COX7A2L: variants seen among roughly 807,000 people sequenced by gnomAD.
The protein encoded by COX7A2L is cytochrome c oxidase subunit 7A2-like, mitochondrial.
In COX7A2L, 18 loss-of-function variants were observed where a neutral mutation model predicts 14.2. That is an observed-to-expected ratio of 1.27 (90% CI 0.88 to 1.88). The LOEUF is 1.88. Among genes scored for constraint, COX7A2L ranks in the 40% most tolerant of loss-of-function variants. The pLI is 0.00. For missense variants in COX7A2L, 179 were observed against 138.8 expected, an observed-to-expected ratio of 1.29 and a Z score of -1.46; for synonymous variants, 65 against 57.4, an observed-to-expected ratio of 1.13 and a Z score of -0.60.
intron 1 of COX7A2L, among the ~76,000 whole-genome samples, chr2:42,367,013 C>T (rs1671177101): frequency 6.6e-6 from 1 of 152,208 alleles, no homozygotes. Flanking sequence ...TACCAGCCAA[C>T]CTTTTAGCAT....
At chr2:42,346,460 T>C (rs754088014), downstream of COX7A2L, among the ~76,000 whole-genome samples, 14 of 152,150 alleles carry the variant, frequency 9.2e-5, no homozygotes, top group South Asian at 2.1e-4. Context: ...GTCAGCCCAA[T>C]AGACCAATAC....
chr2:42,362,046 T>C (rs1671069335), upstream of COX7A2L, among the ~76,000 whole-genome samples: 1 of 152,174 alleles, frequency 6.6e-6, no homozygotes, highest in South Asian at 2.1e-4. Context: ...TGGTTTTTAT[T>C]CTCACCTGAG....
At chr2:42,363,446 G>C (rs1030733225), upstream of COX7A2L, among the ~76,000 whole-genome samples, 12 of 152,190 alleles carry the variant, frequency 7.9e-5, no homozygotes, top group Admixed American at 3.3e-4. Context: ...GCAGCACTAA[G>C]GTGTACCAGC....
chr2:42,347,989 A>G (rs956009942), downstream of COX7A2L, among the ~76,000 whole-genome samples: 1 of 152,242 alleles, frequency 6.6e-6, no homozygotes, highest in Admixed American at 6.5e-5. Flanking sequence ...AAACTGAGGT[A>G]AGGAAAACAC....
Position 42,338,503 on chromosome 2 carries a change from T to G in COX7A2L, c.193-4634A>C, listed in dbSNP as rs1412889210. On this transcript the variant is annotated intron_variant, in intron 2 of 2. Transcript: ENST00000468711. The surrounding 1 kb of genome is among the most constrained non-coding windows in gnomAD (Gnocchi z 4.4). ...GATGTGGCCTGCCATGTGCTGCCCG[T>G]GAACATCTCCTCACCAGAATCATTA... Among the ~76,000 whole-genome samples, 2 of 152,180 alleles carry G rather than the reference T, an allele frequency of 1.3e-5. No homozygotes were observed. The highest frequency in any genetic ancestry group is 2.9e-5 in the Non-Finnish European group (2 of 68,036).
chr2:42,346,934 T>C (rs948046043), downstream of COX7A2L, among the ~76,000 whole-genome samples: 2 of 152,184 alleles, frequency 1.3e-5, no homozygotes, highest in African/African-American at 2.4e-5. Context: ...TCTTTAGAGA[T>C]TGGCTTTTGC....
chr2:42,344,683 T>G (rs758902312), downstream of COX7A2L, among the ~76,000 whole-genome samples: 1 of 152,078 alleles, frequency 6.6e-6, no homozygotes, highest in Non-Finnish European at 1.5e-5. Context: ...AAACCCCATC[T>G]CTACTAAAAA....
chr2:42,336,752 C>A (rs989950906), intron 2 of COX7A2L, among the ~76,000 whole-genome samples: 7 of 152,188 alleles, frequency 4.6e-5, no homozygotes, highest in Admixed American at 4.6e-4. Flanking sequence ...TCCTCTTCTA[C>A]GGACTTCAGT....
In COX7A2L at chr2:42,338,745, G is replaced by A. The variant is rs1302079316; in HGVS notation, c.193-4876C>T. ...ACGGTGGAAAAGGCCTCAGGAAACAGTTTTCACTCACAGGGAGAATTACTG... is the reference window on the plus strand; with the variant it reads ...ACGGTGGAAAAGGCCTCAGGAAACAATTTTCACTCACAGGGAGAATTACTG... On this transcript the variant is annotated intron_variant, in intron 2 of 2. Transcript: ENST00000468711. This position sits in a 1 kb window ranked among gnomAD's most constrained non-coding sequence, Gnocchi z 4.4. 6.6e-6 allele frequency among the ~76,000 whole-genome samples: 1 copy of A among 152,226 alleles called. No homozygotes were observed. The highest frequency in any genetic ancestry group is 2.4e-5 in the African/African-American group (1 of 41,452).
intron 1 of COX7A2L, chr2:42,358,959 TG>T (rs1416911149): frequency 6.6e-6 from 1 of 152,058 alleles, no homozygotes; most frequent in African/African-American, 2.4e-5. Context: ...AGCAAGAACC[TG>T]TCTCAAAAAA....
chr2:42,338,143 T>A lies in COX7A2L; in HGVS notation c.193-4274A>T, dbSNP rs1670322675. Among the ~76,000 whole-genome samples, 1 of 152,064 alleles carries A rather than the reference T, an allele frequency of 6.6e-6. No homozygotes were observed. The highest frequency in any genetic ancestry group is 2.4e-5 in the African/African-American group (1 of 41,436). ...ACGGTTGGTTGGTCCATAACCCTAC[T>A]CCCCATGCTCCTGGCCCACATGCAA... is the stretch of plus-strand genomic sequence containing the variant. On this transcript the variant is annotated intron_variant, in intron 2 of 2. Coordinates refer to the COX7A2L transcript ENST00000468711. The surrounding 1 kb of genome is among the most constrained non-coding windows in gnomAD (Gnocchi z 4.4).
At chr2:42,341,134 C>T (rs979207115) in intron 2 of COX7A2L, among the ~76,000 whole-genome samples, 1 of 152,114 alleles carries the variant, frequency 6.6e-6, no homozygotes, top group African/African-American at 2.4e-5. Context: ...TGGGTGAGTC[C>T]CACAGGGGGA....
chr2:42,363,096 A>C (rs1353224570), upstream of COX7A2L, among the ~76,000 whole-genome samples: 1 of 151,962 alleles, frequency 6.6e-6, no homozygotes, highest in South Asian at 2.1e-4. Flanking sequence ...GGCTAGTCTC[A>C]AACTCCTGGG....
At position 42,354,485 on chromosome 2, in the gene COX7A2L, A is replaced by G. The variant is rs150260285; in HGVS notation, c.73-1142T>C. Among the ~76,000 whole-genome samples the G allele has an allele frequency of 5.4e-3, 827 of 152,366 alleles. 7 individuals are homozygous for G. Among genetic ancestry groups the G allele is most frequent in the African/African-American group, 0.019 (798 of 41,586 alleles). Reference sequence around the variant, plus strand: ...TTCAAACCCAGCCTTTTCCTTTTACAGACAAAGAAGGAAACCTCTTGCCCA... The same window carrying G: ...TTCAAACCCAGCCTTTTCCTTTTACGGACAAAGAAGGAAACCTCTTGCCCA... On this transcript the variant is annotated intron_variant, in intron 1 of 2. Transcript: ENST00000234301.
chr2:42,342,025 G>A lies in COX7A2L; in HGVS notation c.193-8156C>T, dbSNP rs1008063754. On this transcript the variant is annotated intron_variant, in intron 2 of 2. Transcript: ENST00000468711. The surrounding 1 kb of genome is among the most constrained non-coding windows in gnomAD (Gnocchi z 4.9). ...GGCCTAAGCAGGGGGCAGGTGGGAG[G>A]GGAAGATGGGGTTAAAGCCCTCCCA... 3.3e-5 allele frequency among the ~76,000 whole-genome samples: 5 copies of A among 152,140 alleles called. No individual in the cohort carries two copies. The highest frequency in any genetic ancestry group is 1.2e-4 in the African/African-American group (5 of 41,424).
At chr2:42,365,358 G>A (rs998323703), upstream of COX7A2L, among the ~76,000 whole-genome samples, 2 of 152,164 alleles carry the variant, frequency 1.3e-5, no homozygotes, top group African/African-American at 2.4e-5. Flanking sequence ...TGGGCACGGT[G>A]GCTCACACCT....
chr2:42,344,435 A>G (rs1010469568), downstream of COX7A2L, among the ~76,000 whole-genome samples: 2 of 152,204 alleles, frequency 1.3e-5, no homozygotes, highest in Non-Finnish European at 1.5e-5. Context: ...TAAAATTGAA[A>G]TTTGTTTAAA....
At chr2:42,348,506 G>C (rs1240369895), downstream of COX7A2L, among the ~76,000 whole-genome samples, 2 of 152,240 alleles carry the variant, frequency 1.3e-5, no homozygotes, top group Admixed American at 6.5e-5. Flanking sequence ...CCACCAATGA[G>C]ACAATCAGAC....
intron 1 of COX7A2L, among the ~76,000 whole-genome samples, chr2:42,368,105 G>C (rs1164970463): frequency 6.6e-6 from 1 of 152,242 alleles, no homozygotes; most frequent in East Asian, 1.9e-4. Flanking sequence ...TGCCCAGGCA[G>C]TTCTGTTCTT....
Sources: allele counts gnomAD v4.1 joint callset (sites outside exome capture counted in the v4.1 genomes callset), GRCh38; gene constraint gnomAD v4.1.1; non-coding constraint Gnocchi (gnomAD v3.1); transcripts MANE v1.5; gene names NCBI Gene and HGNC (gene_info 2026-07-23, HGNC 2026-07-21).